Variants in TNRC6A observed in about 807,000 individuals in gnomAD.
TNRC6A encodes trinucleotide repeat-containing gene 6A protein.
In TNRC6A, 44 loss-of-function variants were observed where a neutral mutation model predicts 221.2. The ratio of observed to expected loss-of-function variants is 0.20; its 90% confidence interval spans 0.16 to 0.26. The LOEUF (loss-of-function observed/expected upper bound fraction) is 0.26, where lower values mean the gene tolerates loss of function less well. Among genes scored for constraint, TNRC6A ranks in the 10% least tolerant of loss-of-function variants. The probability of loss-of-function intolerance (pLI) is 1.00; values close to 1 mark genes in which losing one functional copy is unlikely to be tolerated. For missense variants in TNRC6A, 2,199 were observed against 2,404.4 expected, an observed-to-expected ratio of 0.91 and a Z score of 1.79; for synonymous variants, 847 against 838.5, an observed-to-expected ratio of 1.01 and a Z score of -0.18.
In TNRC6A at chr16:24,806,683, A is replaced by G. The variant is rs1161476532; in HGVS notation, c.4439A>G (p.Gln1480Arg). The change falls in exon 17 of 25, where the codon CAG becomes CGG. Residue 1480 changes from glutamine (Q) to arginine (R), a missense_variant. Coordinates refer to ENST00000395799, the MANE Select transcript of TNRC6A (RefSeq NM_014494.4). ...CCATCTCAGCAGCAGCCACTCCATC[A>G]GCCAGCCATGAAGTCTTTCCTTGAC... ...TPPSQQQPLHQPAMKSFLDNV... is the reference protein window; with the variant it reads ...TPPSQQQPLHRPAMKSFLDNV... The G allele has an allele frequency of 6.2e-7, 1 of 1,614,094 alleles. No individual in the cohort carries two copies. Among genetic ancestry groups the G allele is most frequent in the Non-Finnish European group, 8.5e-7 (1 of 1,180,038 alleles).
At chr16:24,818,866 G>A (rs935426810) in intron 21 of TNRC6A, among the ~76,000 whole-genome samples, 166 bp downstream of exon 21, 11 of 152,026 alleles carry the variant, frequency 7.2e-5, no homozygotes, top group Non-Finnish European at 1.5e-4. Flanking sequence ...TAAACTTACT[G>A]TACCCAGCAG....
chr16:24,722,042 T>C (rs1417006003), intron 2 of TNRC6A, among the ~76,000 whole-genome samples: 1 of 152,122 alleles, frequency 6.6e-6, no homozygotes, highest in Non-Finnish European at 1.5e-5. Flanking sequence ...CGCGAGGGAA[T>C]TTTCTGTAGT....
chr16:24,663,211 GT>G, intron 2 of TNRC6A: 1 of 153,898 alleles, frequency 6.5e-6, no homozygotes, highest in African/African-American at 2.4e-5. Flanking sequence ...CAAAAAAGCT[GT>G]TGTATTCACA....
rs778474704 is a variant in TNRC6A, at chr16:24,789,774, C to G, written c.1132C>G (p.Leu378Val). The G allele has an allele frequency of 1.2e-6, 2 of 1,614,148 alleles. No individual in the cohort carries two copies. The highest frequency in any genetic ancestry group is 3.3e-5 in the Admixed American group (2 of 60,018). The change falls in exon 6 of 25, where the codon CTT (leucine) becomes GTT (valine). Residue 378 changes from leucine to valine, a missense_variant. By Grantham distance (32) the Leu-to-Val change is conservative. This residue lies in a region of TNRC6A where 1,405 missense variants were observed against 1,400.2 expected (regional missense o/e 1.00). Transcript: ENST00000395799. ...CTGGCCAGTATTAGAGAACAATGGA[C>G]TTGCCCTAAAAGGGCCTGTAGGGAG... Reference protein sequence around the residue: ...GAWPVLENNGLALKGPVGSGS... With the variant: ...GAWPVLENNGVALKGPVGSGS...
intron 2 of TNRC6A, among the ~76,000 whole-genome samples, chr16:24,747,591 A>C (rs1367026936): frequency 6.6e-6 from 1 of 152,168 alleles, no homozygotes; most frequent in African/African-American, 2.4e-5. Flanking sequence ...AGTCTCTATG[A>C]ACATTTAACT....
chr16:24,738,560 G>A (rs1167312379), intron 2 of TNRC6A, among the ~76,000 whole-genome samples: 6 of 152,056 alleles, frequency 3.9e-5, no homozygotes, highest in South Asian at 2.1e-4. Context: ...ACTTTTGTAC[G>A]TGACTTGTCT....
chr16:24,758,504 G>T (rs2057298825), intron 4 of TNRC6A, 144 bp downstream of exon 4: 1 of 812,132 alleles, frequency 1.2e-6, no homozygotes, highest in Non-Finnish European at 2.0e-6. Context: ...ATACCCTGGG[G>T]TCGTCCTTTG....
At chr16:24,656,260 C>T (rs1425557218) in intron 2 of TNRC6A, among the ~76,000 whole-genome samples, 2 of 151,534 alleles carry the variant, frequency 1.3e-5, no homozygotes, top group Non-Finnish European at 2.9e-5. Flanking sequence ...GTCAGGAGTT[C>T]GAAACCAGCC....
intron 1 of TNRC6A, among the ~76,000 whole-genome samples, chr16:24,616,947 T>C (rs1297743376): frequency 6.8e-5 from 10 of 147,336 alleles, no homozygotes; most frequent in African/African-American, 2.5e-4. Context: ...TATTCTGCAA[T>C]TGTTGGGTAT....
intron 2 of TNRC6A, among the ~76,000 whole-genome samples, chr16:24,674,950 G>A (rs2055378381): frequency 6.6e-6 from 1 of 151,876 alleles, no homozygotes; most frequent in Non-Finnish European, 1.5e-5. Context: ...ACTAGCTTGG[G>A]CAACGTATTG....
intron 2 of TNRC6A, among the ~76,000 whole-genome samples, chr16:24,702,885 A>C (rs2056015514): frequency 6.6e-6 from 1 of 151,700 alleles, no homozygotes. Context: ...AATACAAAAA[A>C]TTAGCTGAGC....
intron 2 of TNRC6A, among the ~76,000 whole-genome samples, chr16:24,681,297 G>A (rs1360226279): frequency 1.3e-5 from 2 of 151,846 alleles, no homozygotes; most frequent in East Asian, 1.9e-4. Context: ...GCGTGATCTC[G>A]GCTCACTGCA....
chr16:24,685,204 A>G (rs927981540), intron 2 of TNRC6A, among the ~76,000 whole-genome samples: 1 of 152,204 alleles, frequency 6.6e-6, no homozygotes, highest in African/African-American at 2.4e-5. Flanking sequence ...TGCTTAGCTT[A>G]GAGTAAGTGC....
intron 1 of TNRC6A, among the ~76,000 whole-genome samples, chr16:24,628,567 A>G (rs777341301): frequency 2.0e-5 from 3 of 152,158 alleles, no homozygotes; most frequent in African/African-American, 7.2e-5. Flanking sequence ...CAAACTGAAG[A>G]TGACGAAGAT....
At chr16:24,680,448 G>A (rs569177911) in intron 2 of TNRC6A, among the ~76,000 whole-genome samples, 18 of 151,310 alleles carry the variant, frequency 1.2e-4, no homozygotes, top group Non-Finnish European at 1.6e-4. Context: ...GGCCCGGTGC[G>A]GTGGCTCACA....
intron 4 of TNRC6A, among the ~76,000 whole-genome samples, chr16:24,773,058 G>A (rs944956721): frequency 2.0e-5 from 3 of 151,934 alleles, no homozygotes; most frequent in South Asian, 2.1e-4. Flanking sequence ...TTTCATAGAA[G>A]CATGCCTTGG....
intron 11 of TNRC6A, among the ~76,000 whole-genome samples, chr16:24,802,395 A>G (rs371904524): frequency 9.3e-4 from 142 of 152,254 alleles, no homozygotes; most frequent in African/African-American, 3.2e-3. Context: ...AAAAAAATGC[A>G]AAAATTAGCT....
intron 2 of TNRC6A, among the ~76,000 whole-genome samples, chr16:24,667,828 CAGG>C (rs1596634334): frequency 6.6e-6 from 1 of 152,058 alleles, no homozygotes; most frequent in Non-Finnish European, 1.5e-5. Context: ...GACTTGAGGC[CAGG>C]AGTTCAAGAC....
chr16:24,724,437 T>C (rs2056460322), intron 2 of TNRC6A, among the ~76,000 whole-genome samples: 1 of 152,192 alleles, frequency 6.6e-6, no homozygotes, highest in South Asian at 2.1e-4. Context: ...TTCAAATACA[T>C]TTTAGTTAAA....
Sources: gnomAD v4.1 joint callset for allele counts (sites outside exome capture counted in the v4.1 genomes callset) on GRCh38, gnomAD v4.1.1 for gene constraint, gnomAD v4.1.1 regional missense constraint, MANE v1.5 for transcripts, NCBI Gene and HGNC (gene_info 2026-07-23, HGNC 2026-07-21) for gene names.